JCAD: variants seen among roughly 807,000 people sequenced by gnomAD.
JCAD encodes junctional cadherin 5-associated protein.
In JCAD, 40 loss-of-function variants were observed where a neutral mutation model predicts 98.0. The ratio of observed to expected loss-of-function variants is 0.41; its 90% CI spans 0.32 to 0.53. The LOEUF is 0.53. Among genes scored for constraint, JCAD ranks in the 20% least tolerant of loss-of-function variants. The pLI is 0.31. For synonymous variants in JCAD, 691 were observed against 682.3 expected, an observed-to-expected ratio of 1.01 and a Z score of -0.20; for missense variants, 1,705 against 1,738.1, an observed-to-expected ratio of 0.98 and a Z score of 0.34.
chr10:30,019,250 G>C (rs574538940), intron 3 of JCAD, among the ~76,000 whole-genome samples: 5 of 151,710 alleles, frequency 3.3e-5, no homozygotes, highest in Admixed American at 3.3e-4. Context: ...CCAGCTACTC[G>C]GGAGGCTGAG....
chr10:30,067,037 G>T (rs1837796199), intron 2 of JCAD, among the ~76,000 whole-genome samples: 1 of 151,856 alleles, frequency 6.6e-6, no homozygotes, highest in African/African-American at 2.4e-5. Context: ...AGGTATAGTA[G>T]TACATGCCTA....
upstream of JCAD, among the ~76,000 whole-genome samples, chr10:30,061,395 A>G (rs1325636818): frequency 1.3e-5 from 2 of 152,024 alleles, no homozygotes; most frequent in Non-Finnish European, 1.5e-5. Flanking sequence ...ATACAGAATT[A>G]GCCGGGCGTG....
At chr10:30,090,826 G>A (rs1452287726) in intron 1 of JCAD, among the ~76,000 whole-genome samples, 1 of 152,136 alleles carries the variant, frequency 6.6e-6, no homozygotes, top group African/African-American at 2.4e-5. Context: ...TAATTCACAT[G>A]CTATTGATAA....
intron 1 of JCAD, among the ~76,000 whole-genome samples, chr10:30,104,914 C>T (rs1484914129): frequency 1.3e-5 from 2 of 151,916 alleles, no homozygotes; most frequent in African/African-American, 4.8e-5. Context: ...CACATGTTAC[C>T]TGTGATAATA....
At chr10:30,034,075 C>A (rs865997805) in intron 2 of JCAD, among the ~76,000 whole-genome samples, 1 of 151,418 alleles carries the variant, frequency 6.6e-6, no homozygotes, top group African/African-American at 2.4e-5. Context: ...ATATAAAAAT[C>A]GGCCGGGTGT....
At chr10:30,040,113 G>A (rs978188574) in intron 2 of JCAD, among the ~76,000 whole-genome samples, 1 of 152,204 alleles carries the variant, frequency 6.6e-6, no homozygotes, top group Non-Finnish European at 1.5e-5. Context: ...CTGTCTGAAG[G>A]TGATGATTAT....
At chr10:30,098,446 C>T (rs535031958) in intron 1 of JCAD, among the ~76,000 whole-genome samples, 146 of 152,244 alleles carry the variant, frequency 9.6e-4, no homozygotes, top group African/African-American at 3.4e-3. Context: ...AGTCACTCTT[C>T]GCCCTGCATT....
chr10:30,097,080 A>G (rs1036057275), intron 1 of JCAD, among the ~76,000 whole-genome samples: 6 of 152,206 alleles, frequency 3.9e-5, no homozygotes, highest in African/African-American at 1.4e-4. Flanking sequence ...CATCCTATCC[A>G]CAGTACTCTA....
intron 2 of JCAD, among the ~76,000 whole-genome samples, chr10:30,066,788 A>G (rs1233415071): frequency 6.6e-6 from 1 of 152,196 alleles, no homozygotes; most frequent in Non-Finnish European, 1.5e-5. Flanking sequence ...CAAGTGACTG[A>G]GGCAGGCAGA....
rs760028028 is a variant in JCAD, at chr10:30,027,525, T to C, written c.2623A>G (p.Arg875Gly). ...CCGCGGAAGCCCACATCCTCCTGTC[T>C]GCAGTGAGCACGGTTCTCCTGCTGC... ...EPQQENRAHCRQEDVGFRGNS... is the reference protein window; with the variant it reads ...EPQQENRAHCGQEDVGFRGNS... Residue 875 changes from arginine (R) to glycine (G), a missense_variant, in exon 3 of 4, where the codon AGA (arginine) becomes GGA (glycine). By Grantham distance (125) the Arg-to-Gly change is moderately radical. Around this residue, in one of 3 missense-constraint regions of JCAD, gnomAD observed 1,278 missense variants for 1,243.1 expected, o/e 1.03. Coordinates refer to ENST00000375377, the MANE Select transcript of JCAD (RefSeq NM_020848.4). 40 of 1,612,590 alleles carry C rather than the reference T, an allele frequency of 2.5e-5. No homozygotes were observed. Among genetic ancestry groups the C allele is most frequent in the Non-Finnish European group, 3.2e-5 (38 of 1,180,042 alleles).
At chr10:30,086,079 A>AAAAATTAAAATTAATTTTAATTTTT (rs1214760186) in intron 1 of JCAD, among the ~76,000 whole-genome samples, 2 of 152,200 alleles carry the variant, frequency 1.3e-5, no homozygotes, top group African/African-American at 4.8e-5. Context: ...AACTATCACC[A>AAAAATTAAAATTAATTTTAATTTTT]AAAATTAAAA....
At chr10:30,033,850 TA>T (rs1244326438) in intron 2 of JCAD, among the ~76,000 whole-genome samples, 1 of 152,182 alleles carries the variant, frequency 6.6e-6, no homozygotes, top group Non-Finnish European at 1.5e-5. Context: ...GGAGCCCTGG[TA>T]AAAACTTCTA....
chr10:30,078,783 C>T (rs1042621430), intron 1 of JCAD, among the ~76,000 whole-genome samples: 2 of 152,258 alleles, frequency 1.3e-5, no homozygotes, highest in Middle Eastern at 3.4e-3. Flanking sequence ...ATGACAGTTA[C>T]GAGGATGGTG....
chr10:30,101,395 C>T (rs527930673), intron 1 of JCAD, among the ~76,000 whole-genome samples: 7 of 152,142 alleles, frequency 4.6e-5, no homozygotes, highest in South Asian at 2.1e-4. Flanking sequence ...GGTGACAGAG[C>T]GAGACTCAGT....
In JCAD at chr10:30,014,408, TTCTCTAAGC is replaced by T. The variant is rs573385309; in HGVS notation, c.*3466_*3474del. The T allele has an allele frequency of 1.6e-4, 24 of 152,336 alleles. No individual in the cohort carries two copies. The East Asian group carries it at 4.4e-3, about 28-fold the overall frequency. 9.4% of individuals were successfully genotyped at this position (152,336 alleles called of 1,614,324 possible). ...TAAGAACTTAGGACATGGGAAATGTTTCTCTAAGCTCAAATATGGATAGAAAGACAATTC... is the reference window on the plus strand; with the variant it reads ...TAAGAACTTAGGACATGGGAAATGTTTCAAATATGGATAGAAAGACAATTC... On this transcript the variant is annotated 3_prime_UTR_variant, in exon 4 of 4. Coordinates refer to ENST00000375377, the MANE Select transcript of JCAD (RefSeq NM_020848.4).
chr10:30,083,594 G>A (rs559664973), intron 1 of JCAD, among the ~76,000 whole-genome samples: 1 of 152,186 alleles, frequency 6.6e-6, no homozygotes, highest in African/African-American at 2.4e-5. Context: ...GACCGCTAAA[G>A]TTAAGCTAAA....
chr10:30,034,100 G>C (rs1837059834), intron 2 of JCAD, among the ~76,000 whole-genome samples: 1 of 151,664 alleles, frequency 6.6e-6, no homozygotes, highest in Admixed American at 6.6e-5. Flanking sequence ...GCGGGCATCT[G>C]TAATCCTAGC....
chr10:30,071,156 C>T (rs1382371118), intron 1 of JCAD, among the ~76,000 whole-genome samples: 1 of 152,194 alleles, frequency 6.6e-6, no homozygotes, highest in African/African-American at 2.4e-5. Flanking sequence ...CCATCTGCCT[C>T]GGCCTCCCAA....
intron 2 of JCAD, among the ~76,000 whole-genome samples, chr10:30,039,404 C>T (rs1837195455): frequency 6.6e-6 from 1 of 152,252 alleles, no homozygotes; most frequent in Non-Finnish European, 1.5e-5. Flanking sequence ...GGGTGGGCAG[C>T]TGGACCGGCC....
Sources: gnomAD v4.1 joint callset for allele counts (sites outside exome capture counted in the v4.1 genomes callset) on GRCh38, gnomAD v4.1.1 for gene constraint, gnomAD v4.1.1 regional missense constraint, MANE v1.5 for transcripts, NCBI Gene and HGNC (gene_info 2026-07-23, HGNC 2026-07-21) for gene names.